Variants in PCNX2 observed in about 807,000 individuals in gnomAD.
PCNX2 encodes the protein pecanex-like protein 2.
In PCNX2, 168 loss-of-function variants were observed where a neutral mutation model predicts 223.8. The ratio of observed to expected loss-of-function variants is 0.75; its 90% CI spans 0.66 to 0.85. The LOEUF is 0.85. Ranked by LOEUF, PCNX2 falls within the 40% of genes least tolerant of loss-of-function variation. PCNX2 has a pLI of 0.00. For missense variants in PCNX2, 2,507 were observed against 2,675.5 expected (o/e 0.94, Z 1.39); for synonymous variants, 1,006 against 1,052.6 (o/e 0.96, Z 0.86).
At chr1:233,179,601 C>G (rs904792439) in intron 15 of PCNX2, among the ~76,000 whole-genome samples, 3 of 152,108 alleles carry the variant, frequency 2.0e-5, no homozygotes, top group African/African-American at 7.2e-5. Context: ...GACTAATGAA[C>G]TGAAAACCTG....
At chr1:233,220,419 C>T (rs1248239458) in intron 10 of PCNX2, among the ~76,000 whole-genome samples, 1 of 152,146 alleles carries the variant, frequency 6.6e-6, no homozygotes, top group East Asian at 1.9e-4. Context: ...ATGAGCGTTC[C>T]CGTTGCTCCA....
At chr1:233,243,829 T>A (rs11810475) in intron 8 of PCNX2, among the ~76,000 whole-genome samples, 12,347 of 151,832 alleles carry the variant, frequency 0.081, 1,286 homozygotes, top group African/African-American at 0.24. Flanking sequence ...CACCTTTATT[T>A]TTTATTTTTT....
chr1:233,309,784 G>A, the PCNX2 span, among the ~76,000 whole-genome samples: 1 of 151,666 alleles, frequency 6.6e-6, no homozygotes, highest in Non-Finnish European at 1.5e-5. Context: ...CGGCTGAGGT[G>A]TGAGAATTGC....
At chr1:233,105,196 G>A (rs565771971) in intron 21 of PCNX2, among the ~76,000 whole-genome samples, 4 of 152,226 alleles carry the variant, frequency 2.6e-5, no homozygotes, top group African/African-American at 9.6e-5. Flanking sequence ...ATCTATAAAT[G>A]TATAAAAACA....
intron 28 of PCNX2, among the ~76,000 whole-genome samples, chr1:233,002,453 T>G (rs913297965): frequency 1.3e-5 from 2 of 152,114 alleles, no homozygotes; most frequent in Non-Finnish European, 2.9e-5. Flanking sequence ...TTACAAGGGA[T>G]GTGAAGGGCC....
rs201172317 is a variant in PCNX2 at position 233,117,603 on chromosome 1, GA to G, written c.3837+17409del. ...GCGACAGAGTGAGACTCCGTCTAAA[GA>G]AAAAAAAAAAAAAGACCACAACCCC... On this transcript the variant is annotated intron_variant, in intron 21 of 33. Coordinates refer to ENST00000258229, the MANE Select transcript of PCNX2 (RefSeq NM_014801.4). 5.4e-3 allele frequency among the ~76,000 whole-genome samples: 397 copies of G among 73,188 alleles called. 1 individual carries two copies. The highest frequency in any genetic ancestry group is 0.014 in the South Asian group (31 of 2,258). 48.0% of individuals were successfully genotyped at this position (73,188 alleles called of 152,430 possible).
chr1:233,186,432 TCTTA>T (rs1254996366), intron 15 of PCNX2, among the ~76,000 whole-genome samples: 1 of 152,024 alleles, frequency 6.6e-6, no homozygotes, highest in Non-Finnish European at 1.5e-5. Flanking sequence ...TGCTCTCTCT[TCTTA>T]CTTCACACAC....
Position 232,984,064 on chromosome 1 carries a change from T to G in PCNX2, c.*240A>C, listed in dbSNP as rs919717032. 7.7e-6 allele frequency: 3 copies of G among 390,636 alleles called. No individual in the cohort carries two copies. Among genetic ancestry groups the G allele is most frequent in the African/African-American group, 2.1e-5 (1 of 47,760 alleles). 24.2% of individuals were successfully genotyped at this position (390,636 alleles called of 1,614,324 possible). On this transcript the variant is annotated 3_prime_UTR_variant, in exon 34 of 34. Transcript: ENST00000258229. Reference sequence around the variant, plus strand: ...GTGGTGTGGCTTCTTTGTTGCTTTTTTTTGTTTCCCCATCATGTGAGGTTT... The same window carrying G: ...GTGGTGTGGCTTCTTTGTTGCTTTTGTTTGTTTCCCCATCATGTGAGGTTT...
chr1:233,082,279 A>G (rs1279857002), intron 23 of PCNX2, among the ~76,000 whole-genome samples: 1 of 152,154 alleles, frequency 6.6e-6, no homozygotes, highest in African/African-American at 2.4e-5. Context: ...GAGGATCGCC[A>G]TTGTTACTGC....
intron 32 of PCNX2, among the ~76,000 whole-genome samples, chr1:232,997,085 T>G (rs558811161): frequency 3.0e-4 from 46 of 152,296 alleles, no homozygotes; most frequent in African/African-American, 1.1e-3. Context: ...ATACCCCTTT[T>G]CCTTATCCCC....
chr1:233,187,490 C>G (rs1680173424), intron 15 of PCNX2, among the ~76,000 whole-genome samples: 1 of 152,048 alleles, frequency 6.6e-6, no homozygotes, highest in Non-Finnish European at 1.5e-5. Context: ...CACTCCCCAT[C>G]AGTCACTACA....
chr1:233,288,955 T>C, intron 1 of PCNX2: 2 of 1,510,556 alleles, frequency 1.3e-6, no homozygotes, highest in South Asian at 2.2e-5. Context: ...TGTTCCACAT[T>C]GTTCTGCTGT....
At chr1:233,200,044 G>A in intron 14 of PCNX2, 110 bp downstream of exon 14, 1 of 866,914 alleles carries the variant, frequency 1.2e-6, no homozygotes, top group Non-Finnish European at 1.7e-6. Context: ...TCATTTAAAT[G>A]CTCAGGACAA....
At chr1:233,109,916 C>T (rs1425840100) in intron 21 of PCNX2, among the ~76,000 whole-genome samples, 1 of 151,946 alleles carries the variant, frequency 6.6e-6, no homozygotes, top group Non-Finnish European at 1.5e-5. Context: ...GGAGAAACAC[C>T]ATCTCTACTA....
chr1:233,222,630 A>T (rs759204208), intron 10 of PCNX2, among the ~76,000 whole-genome samples: 22 of 152,240 alleles, frequency 1.4e-4, no homozygotes, highest in Non-Finnish European at 3.1e-4. Context: ...AATGGCTCAG[A>T]CCAGGTGGTC....
intron 4 of PCNX2, 108 bp downstream of exon 4, chr1:233,261,177 G>A: frequency 2.0e-6 from 2 of 1,009,942 alleles, no homozygotes; most frequent in Non-Finnish European, 3.0e-6. Context: ...TGCAGTCTTA[G>A]GTATAGTTCT....
At chr1:233,214,684 C>T (rs1682017102) in intron 12 of PCNX2, among the ~76,000 whole-genome samples, 1 of 152,062 alleles carries the variant, frequency 6.6e-6, no homozygotes, top group African/African-American at 2.4e-5. Flanking sequence ...ATCTTCATTC[C>T]CCATTAATAT....
intron 17 of PCNX2, among the ~76,000 whole-genome samples, chr1:233,171,434 T>G (rs1209747531): frequency 1.3e-5 from 2 of 152,164 alleles, no homozygotes; most frequent in African/African-American, 2.4e-5. Flanking sequence ...CCTTTATCCT[T>G]AAAAGATATT....
rs377493195 is a variant in PCNX2 at position 233,261,245 on chromosome 1, G to C, written c.517+40C>G. ...ATAAAAATATTTCTCACTTCACTGA[G>C]GATAGTGCTGTGATAAAATATAAAT... On this transcript the variant is annotated intron_variant, in intron 4 of 33. Transcript: ENST00000258229. The C allele has an allele frequency of 9.1e-6, 14 of 1,534,424 alleles. No homozygotes were observed. The African/African-American group carries it at 1.5e-4, about 16-fold the overall frequency.
Sources: gnomAD v4.1 joint callset for allele counts (sites outside exome capture counted in the v4.1 genomes callset) on GRCh38, gnomAD v4.1.1 for gene constraint, MANE v1.5 for transcripts, NCBI Gene and HGNC (gene_info 2026-07-23, HGNC 2026-07-21) for gene names.